GRIP2: variants seen among roughly 807,000 people sequenced by gnomAD.
The protein encoded by GRIP2 is glutamate receptor-interacting protein 2.
GRIP2 carries 58 observed loss-of-function variants against 108.3 expected under a neutral mutation model. The ratio of observed to expected loss-of-function variants is 0.54; its 90% CI spans 0.43 to 0.67. The LOEUF (loss-of-function observed/expected upper bound fraction) is 0.67. GRIP2 is among the 30% of genes least tolerant of loss of function. The pLI is 0.00. For missense variants in GRIP2, 1,278 were observed against 1,430.6 expected, an observed-to-expected ratio of 0.89 and a Z score of 1.72; for synonymous variants, 586 against 598.2, an observed-to-expected ratio of 0.98 and a Z score of 0.30.
the GRIP2 span, among the ~76,000 whole-genome samples, chr3:14,600,099 C>A: frequency 6.6e-6 from 1 of 152,172 alleles, no homozygotes; most frequent in Non-Finnish European, 1.5e-5. Flanking sequence ...ACATGGTAGA[C>A]ACAAACCTAC....
At chr3:14,563,387 AG>A in the GRIP2 span, among the ~76,000 whole-genome samples, 1 of 152,124 alleles carries the variant, frequency 6.6e-6, no homozygotes, top group African/African-American at 2.4e-5. Flanking sequence ...AAATTAAAAG[AG>A]GGAGTCATAA....
At chr3:14,531,648 A>C (rs550185003) in intron 1 of GRIP2, among the ~76,000 whole-genome samples, 1 of 152,310 alleles carries the variant, frequency 6.6e-6, no homozygotes, top group Admixed American at 6.5e-5. Flanking sequence ...GGGAGGAGGT[A>C]GGTGCTGCGA....
chr3:14,495,127 G>C, intron 22 of GRIP2, 138 bp from the exon 23 acceptor site: 1 of 1,091,844 alleles, frequency 9.2e-7, no homozygotes, highest in South Asian at 1.6e-5. Flanking sequence ...CCAGCCTCTT[G>C]CCCCTGGGCC....
chr3:14,523,612 C>T lies in GRIP2; in HGVS notation c.490G>A (p.Gly164Arg), dbSNP rs1220352413. Residue 164 changes from glycine to arginine, a missense_variant and splice_region_variant, in exon 5 of 24, where the codon GGA becomes AGA. Transcript: ENST00000621039. Reference protein sequence around the residue: ...EGNSFGFVLRGGAHEDGHKSR... With the variant: ...EGNSFGFVLRRGAHEDGHKSR... Reference sequence around the variant, plus strand: ...TACCAAGGGCAATTCTTTCACTGACCTCTAAGGACAAAGCCAAAGCTATTG... The same window carrying T: ...TACCAAGGGCAATTCTTTCACTGACTTCTAAGGACAAAGCCAAAGCTATTG... The T allele has an allele frequency of 6.2e-7, 1 of 1,605,726 alleles. No homozygotes were observed. Among genetic ancestry groups the T allele is most frequent in the Non-Finnish European group, 8.5e-7 (1 of 1,174,124 alleles).
chr3:14,520,452 G>A lies in GRIP2; in HGVS notation c.798C>T (p.Thr266=), dbSNP rs765326555. The change falls in exon 8 of 24, where the codon ACC becomes ACT. Residue 266 remains threonine, a synonymous_variant. Coordinates refer to ENST00000621039, the MANE Select transcript of GRIP2 (RefSeq NM_001080423.4). ...GSALGISLTT[T]SLRNKSVITI... ...TAATGACTGACTTGTTCCGGAGGGAGGTGGTGGTGAGCGAGATCCCCAGGG... is the reference window on the plus strand; with the variant it reads ...TAATGACTGACTTGTTCCGGAGGGAAGTGGTGGTGAGCGAGATCCCCAGGG... 1 of 1,613,900 alleles carries A rather than the reference G, an allele frequency of 6.2e-7. No homozygotes were observed. Among genetic ancestry groups the A allele is most frequent in the Non-Finnish European group, 8.5e-7 (1 of 1,179,858 alleles).
the GRIP2 span, chr3:14,573,958 T>C: frequency 1.8e-6 from 2 of 1,082,224 alleles, no homozygotes; most frequent in Non-Finnish European, 2.8e-6. Context: ...CGAATGAAGC[T>C]GTGCACCTGC....
the GRIP2 span, chr3:14,573,648 A>C: frequency 1.6e-5 from 24 of 1,502,340 alleles, no homozygotes; most frequent in East Asian, 4.5e-5. Flanking sequence ...GACACAGTCC[A>C]TGTGGGGAAG....
the GRIP2 span, among the ~76,000 whole-genome samples, chr3:14,586,659 A>G: frequency 1.3e-5 from 2 of 152,248 alleles, no homozygotes; most frequent in Non-Finnish European, 2.9e-5. Context: ...GCCCTTAAAA[A>G]TGACAAGTGT....
intron 11 of GRIP2, among the ~76,000 whole-genome samples, chr3:14,516,705 C>CTT (rs923934360): frequency 3.9e-5 from 6 of 152,120 alleles, no homozygotes; most frequent in African/African-American, 1.4e-4. Flanking sequence ...AGCACTGAGG[C>CTT]TTTATCCATG....
the GRIP2 span, among the ~76,000 whole-genome samples, chr3:14,575,245 T>C: frequency 1.3e-5 from 2 of 152,218 alleles, no homozygotes; most frequent in African/African-American, 4.8e-5. Context: ...AAAAGATGCA[T>C]CTGTGCCACT....
upstream of GRIP2, among the ~76,000 whole-genome samples, chr3:14,544,080 C>G (rs983222304): frequency 8.5e-5 from 13 of 152,240 alleles, no homozygotes; most frequent in Non-Finnish European, 1.3e-4. Context: ...ACAGGTCAGA[C>G]ATGCCCAGGT....
intron 3 of GRIP2, 145 bp from the exon 4 acceptor site, chr3:14,524,683 A>G: frequency 1.1e-6 from 1 of 925,890 alleles, no homozygotes; most frequent in Non-Finnish European, 1.6e-6. Context: ...GAGGTCAGAC[A>G]GTTGTCCAGG....
At chr3:14,535,226 G>A (rs1040821409) in intron 1 of GRIP2, among the ~76,000 whole-genome samples, 1 of 152,178 alleles carries the variant, frequency 6.6e-6, no homozygotes, top group Non-Finnish European at 1.5e-5. Flanking sequence ...TTGTTGATAT[G>A]GTGGGAAGGG....
At chr3:14,498,453 A>G (rs1693676145) in intron 21 of GRIP2, among the ~76,000 whole-genome samples, 1 of 152,144 alleles carries the variant, frequency 6.6e-6, no homozygotes, top group African/African-American at 2.4e-5. Flanking sequence ...ACAGAGCAAG[A>G]TCCTATCACT....
chr3:14,555,857 A>G, intron 1 of GRIP2: 1 of 398,896 alleles, frequency 2.5e-6, no homozygotes, highest in Non-Finnish European at 4.4e-6. Context: ...GAGCCTGGGA[A>G]GTCCCTCTGG....
Position 14,514,441 on chromosome 3 carries a change from C to T in GRIP2, c.1344G>A (p.Gln448=). 2 of 1,578,134 alleles carry T rather than the reference C, an allele frequency of 1.3e-6. No individual in the cohort carries two copies. Among genetic ancestry groups the T allele is most frequent in the East Asian group, 2.3e-5 (1 of 42,980 alleles). ...LASSTVGPGG[Q]IVHTETTEVV... is the part of the protein sequence containing the mutation. ...CCTCCGTGGTCTCCGTGTGCACAATCTGCCCGCCCGGCCCCACCGTGCTGG... is the reference window on the plus strand; with the variant it reads ...CCTCCGTGGTCTCCGTGTGCACAATTTGCCCGCCCGGCCCCACCGTGCTGG... The change falls in exon 12 of 24, where the codon CAG becomes CAA. Residue 448 remains glutamine, a synonymous_variant. Transcript: ENST00000621039.
chr3:14,565,139 G>A, the GRIP2 span, among the ~76,000 whole-genome samples: 4 of 152,264 alleles, frequency 2.6e-5, no homozygotes, highest in East Asian at 3.9e-4. Flanking sequence ...TCAGGCTCCC[G>A]CTCTTCCCTG....
At chr3:14,583,699 C>T in the GRIP2 span, among the ~76,000 whole-genome samples, 16 of 152,350 alleles carry the variant, frequency 1.1e-4, no homozygotes, top group African/African-American at 1.4e-4. Context: ...AGGCCTGCTT[C>T]TAAGCTACGC....
chr3:14,584,544 G>T, the GRIP2 span, among the ~76,000 whole-genome samples: 19,932 of 152,226 alleles, frequency 0.13, 1,431 homozygotes, highest in South Asian at 0.2. Context: ...ACAAGGAAGA[G>T]GATTTCGCTG....
Sources: gnomAD v4.1 joint callset for allele counts (sites outside exome capture counted in the v4.1 genomes callset) on GRCh38, gnomAD v4.1.1 for gene constraint, MANE v1.5 for transcripts, NCBI Gene and HGNC (gene_info 2026-07-23, HGNC 2026-07-21) for gene names.